MAP6D1: variants seen among roughly 807,000 people sequenced by gnomAD.
MAP6D1 encodes MAP6 domain containing 1.
A neutral mutation model predicts 17.4 loss-of-function variants in MAP6D1; 13 were observed. The observed-to-expected ratio is 0.75, with a 90% confidence interval of 0.49 to 1.19. The LOEUF (loss-of-function observed/expected upper bound fraction) is 1.19, where lower values mean the gene tolerates loss of function less well. Among genes scored for constraint, MAP6D1 ranks in the 50% most tolerant of loss-of-function variants. The pLI is 0.00. For synonymous variants in MAP6D1, 141 were observed against 145.7 expected (o/e 0.97, Z 0.23); for missense variants, 313 against 312.6 (o/e 1.00, Z -0.01).
chr3:183,824,152 T>G (rs866562909), intron 1 of MAP6D1, among the ~76,000 whole-genome samples: 6 of 152,344 alleles, frequency 3.9e-5, no homozygotes, highest in Non-Finnish European at 4.4e-5. Context: ...TGTCTCCACC[T>G]ATCTTACGCT....
intron 1 of MAP6D1, among the ~76,000 whole-genome samples, chr3:183,822,629 G>C (rs956268873): frequency 1.8e-4 from 27 of 152,344 alleles, no homozygotes; most frequent in African/African-American, 6.0e-4. Context: ...CTCATAGGTC[G>C]GCACTTTGTA....
chr3:183,825,399 C>T lies in MAP6D1; in HGVS notation c.149G>A (p.Arg50Lys), dbSNP rs1727365777. The stretch of plus-strand genomic sequence containing the variant: ...CCGGGCGCCCGCGGGAGGCTGGCCC[C>T]TGCGCGAGGCGGCGCCGCCCGTGCC... The part of the protein sequence containing the change: ...EPGTGGAASR[R>K]GQPPAGARDS... Residue 50 changes from arginine to lysine, a missense_variant, in exon 1 of 3, where the codon AGG (arginine) becomes AAG (lysine). Physicochemically the swap from Arg to Lys is conservative, Grantham distance 26. Transcript: ENST00000318631. 2.8e-6 allele frequency: 4 copies of T among 1,446,286 alleles called. No individual in the cohort carries two copies. The highest frequency in any genetic ancestry group is 3.6e-6 in the Non-Finnish European group (4 of 1,103,188). 89.6% of individuals were successfully genotyped at this position (1,446,286 alleles called of 1,614,324 possible).
intron 1 of MAP6D1, among the ~76,000 whole-genome samples, chr3:183,821,563 T>TTTTTA (rs1727259123): frequency 7.0e-6 from 1 of 142,302 alleles, no homozygotes; most frequent in Non-Finnish European, 1.5e-5. Context: ...TTTTTTTTTT[T>TTTTTA]GAGATGGAGT....
Position 183,825,239 on chromosome 3 carries a change from C to G in MAP6D1, c.309G>C (p.Gln103His). Reference protein sequence around the residue: ...AGGRRGKSSAQSSAPPAPGAR... With the variant: ...AGGRRGKSSAHSSAPPAPGAR... Reference sequence around the variant, plus strand: ...CGCCGGGCGCAGGTGGCGCGGAGGACTGCGCGGAGGATTTGCCCCTGCGGC... The same window carrying G: ...CGCCGGGCGCAGGTGGCGCGGAGGAGTGCGCGGAGGATTTGCCCCTGCGGC... The change falls in exon 1 of 3, where the codon CAG becomes CAC. Residue 103 changes from glutamine to histidine, a missense_variant. Gln to His is a conservative substitution (Grantham distance 24). Coordinates refer to ENST00000318631, the MANE Select transcript of MAP6D1 (RefSeq NM_024871.4). 7.2e-7 allele frequency: 1 copy of G among 1,397,616 alleles called. No homozygotes were observed. The highest frequency in any genetic ancestry group is 9.3e-7 in the Non-Finnish European group (1 of 1,075,664). The allele number at this position is 1,397,616 out of a possible 1,614,324, so 86.6% of individuals were successfully genotyped here.
Position 183,825,401 on chromosome 3 carries a change from G to T in MAP6D1, c.147C>A (p.Arg49=). 1 of 1,443,046 alleles carries T rather than the reference G, an allele frequency of 6.9e-7. No individual in the cohort carries two copies. Among genetic ancestry groups the T allele is most frequent in the Non-Finnish European group, 9.1e-7 (1 of 1,102,482 alleles). 89.4% of individuals were successfully genotyped at this position (1,443,046 alleles called of 1,614,324 possible). A position where few individuals can be genotyped will look rare whatever the true frequency, so the allele number is the denominator to read the frequency against. Residue 49 remains arginine, a synonymous_variant, in exon 1 of 3, where the codon CGC becomes CGA. Transcript: ENST00000318631. ...GGGCGCCCGCGGGAGGCTGGCCCCT[G>T]CGCGAGGCGGCGCCGCCCGTGCCCG... The part of the protein sequence containing the change: ...EEPGTGGAAS[R]RGQPPAGARD...
intron 1 of MAP6D1, among the ~76,000 whole-genome samples, chr3:183,821,577 G>C (rs148521784): frequency 8.0e-6 from 1 of 124,682 alleles, no homozygotes; most frequent in African/African-American, 3.1e-5. Flanking sequence ...ATGGAGTCTC[G>C]CTCTATTGCC....
chr3:183,817,041 C>A lies in MAP6D1; in HGVS notation c.*315G>T. On this transcript the variant is annotated 3_prime_UTR_variant, in exon 3 of 3. Coordinates refer to ENST00000318631, the MANE Select transcript of MAP6D1 (RefSeq NM_024871.4). Reference sequence around the variant, plus strand: ...TCCACATTCCTCAGCTTCCATGGACCAATTCGGTTCCCAACTGACTTGATC... The same window carrying A: ...TCCACATTCCTCAGCTTCCATGGACAAATTCGGTTCCCAACTGACTTGATC... The A allele has an allele frequency of 2.6e-6, 1 of 379,726 alleles. No individual in the cohort carries two copies. The highest frequency in any genetic ancestry group is 4.9e-6 in the Non-Finnish European group (1 of 202,832). 23.5% of individuals were successfully genotyped at this position (379,726 alleles called of 1,614,324 possible). A position where few individuals can be genotyped will look rare whatever the true frequency, so the allele number is the denominator to read the frequency against.
chr3:183,817,312 C>A lies in MAP6D1; in HGVS notation c.*44G>T. Reference sequence around the variant, plus strand: ...CGGCAGTGGGTCCTGAGGCCGCTCCCCAGCCCTGTCCTGTCGGCAGCCATG... The same window carrying A: ...CGGCAGTGGGTCCTGAGGCCGCTCCACAGCCCTGTCCTGTCGGCAGCCATG... On this transcript the variant is annotated 3_prime_UTR_variant, in exon 3 of 3. Transcript: ENST00000318631. 1 of 1,540,530 alleles carries A rather than the reference C, an allele frequency of 6.5e-7. No individual in the cohort carries two copies. The highest frequency in any genetic ancestry group is 1.2e-5 in the South Asian group (1 of 83,786).
chr3:183,823,438 A>G (rs1727304583), intron 1 of MAP6D1, among the ~76,000 whole-genome samples: 1 of 151,954 alleles, frequency 6.6e-6, no homozygotes, highest in South Asian at 2.1e-4. Context: ...CATCTCTACT[A>G]AAAATACAAA....
Position 183,823,108 on chromosome 3 carries a change from C to T in MAP6D1, c.401+2039G>A, listed in dbSNP as rs905525644. Among the ~76,000 whole-genome samples the T allele has an allele frequency of 5.9e-5, 9 of 152,240 alleles. No homozygotes were observed. In the East Asian group the frequency reaches 1.7e-3, roughly 29 times the overall value. On this transcript the variant is annotated intron_variant, in intron 1 of 2. Transcript: ENST00000318631. ...CTCGCAGGCTTGAGGGATCCTCCCA[C>T]CTCAGCCTCCCAAGTAGCTGGAATC...
At position 183,817,306 on chromosome 3, in the gene MAP6D1, C is replaced by T. The variant is rs2582091; in HGVS notation, c.*50G>A. 0.45 allele frequency: 690,742 copies of T among 1,529,724 alleles called. 157,558 individuals carry two copies. The highest frequency in any genetic ancestry group is 0.55 in the Middle Eastern group (2,495 of 4,506). The allele number at this position is 1,529,724 out of a possible 1,614,324, so 94.8% of individuals were successfully genotyped here. A position where few individuals can be genotyped will look rare whatever the true frequency, so the allele number is the denominator to read the frequency against. ...GCCCCGCGGCAGTGGGTCCTGAGGC[C>T]GCTCCCCAGCCCTGTCCTGTCGGCA... is the stretch of plus-strand genomic sequence containing the variant. On this transcript the variant is annotated 3_prime_UTR_variant, in exon 3 of 3. Coordinates refer to ENST00000318631, the MANE Select transcript of MAP6D1 (RefSeq NM_024871.4).
chr3:183,818,293 C>A (rs1176772320), intron 1 of MAP6D1, among the ~76,000 whole-genome samples, 182 bp from the exon 2 acceptor site: 2 of 152,242 alleles, frequency 1.3e-5, no homozygotes, highest in African/African-American at 4.8e-5. Context: ...CGTGCAGGCC[C>A]AGCTCCAGGA....
chr3:183,819,002 G>A (rs1727184976), intron 1 of MAP6D1, among the ~76,000 whole-genome samples: 1 of 152,274 alleles, frequency 6.6e-6, no homozygotes, highest in South Asian at 2.1e-4. Flanking sequence ...AAGATGGGGA[G>A]CTCAGAAGGC....
chr3:183,820,682 G>A (rs1169393100), intron 1 of MAP6D1, among the ~76,000 whole-genome samples: 3 of 152,076 alleles, frequency 2.0e-5, no homozygotes, highest in East Asian at 1.9e-4. Context: ...GGCGGATCAC[G>A]AGATCAGGAG....
chr3:183,817,268 A>G lies in MAP6D1; in HGVS notation c.*88T>C. 5.2e-6 allele frequency: 7 copies of G among 1,340,692 alleles called. No homozygotes were observed. The highest frequency in any genetic ancestry group is 7.3e-6 in the Non-Finnish European group (7 of 958,936). The allele number at this position is 1,340,692 out of a possible 1,614,324, so 83.0% of individuals were successfully genotyped here. On this transcript the variant is annotated 3_prime_UTR_variant, in exon 3 of 3. Coordinates refer to ENST00000318631, the MANE Select transcript of MAP6D1 (RefSeq NM_024871.4). ...GTGCCCTCCCGCAGGGGCCCATGCC[A>G]TGCTCTCGCCCAGCCCCGCGGCAGT...
chr3:183,820,637 T>A (rs1985300), intron 1 of MAP6D1, among the ~76,000 whole-genome samples: 2 of 151,176 alleles, frequency 1.3e-5, no homozygotes, highest in East Asian at 3.9e-4. Context: ...CAGTGGCTCA[T>A]GCCTGTAATC....
chr3:183,822,463 C>T (rs1332107142), intron 1 of MAP6D1, among the ~76,000 whole-genome samples: 1 of 152,054 alleles, frequency 6.6e-6, no homozygotes, highest in East Asian at 1.9e-4. Flanking sequence ...AAAAAAACCC[C>T]CCAAAAACCC....
intron 2 of MAP6D1, 56 bp from the exon 3 acceptor site, chr3:183,817,492 T>C: frequency 6.9e-7 from 1 of 1,451,798 alleles, no homozygotes; most frequent in Non-Finnish European, 9.4e-7. Context: ...CTCCCTACTC[T>C]TCCCCACTAC....
intron 2 of MAP6D1, 99 bp from the exon 3 acceptor site, chr3:183,817,535 T>G: frequency 9.1e-7 from 1 of 1,093,080 alleles, no homozygotes; most frequent in Non-Finnish European, 1.3e-6. Context: ...TCCCATCCTC[T>G]GCATCCTCCA....
Sources: gnomAD v4.1 joint callset for allele counts (sites outside exome capture counted in the v4.1 genomes callset) on GRCh38, gnomAD v4.1.1 for gene constraint, MANE v1.5 for transcripts, NCBI Gene and HGNC (gene_info 2026-07-23, HGNC 2026-07-21) for gene names.